The following KHDRBS3 variants were observed in gnomAD, a reference collection of about 807,000 sequenced individuals.
The protein encoded by KHDRBS3 is KH domain-containing, RNA-binding, signal transduction-associated protein 3.
A neutral mutation model predicts 45.6 loss-of-function variants in KHDRBS3; 23 were observed. The observed-to-expected ratio is 0.50, with a 90% CI of 0.36 to 0.72. KHDRBS3 has a LOEUF of 0.72. KHDRBS3 is among the 30% of genes least tolerant of loss of function. The pLI is 0.00. For synonymous variants in KHDRBS3, 162 were observed against 156.5 expected, an observed-to-expected ratio of 1.04 and a Z score of -0.26; for missense variants, 352 against 424.8, an observed-to-expected ratio of 0.83 and a Z score of 1.51.
chr8:135,584,560 T>A (rs897406611), intron 6 of KHDRBS3, among the ~76,000 whole-genome samples: 1 of 152,254 alleles, frequency 6.6e-6, no homozygotes, highest in African/African-American at 2.4e-5. Flanking sequence ...CTCATTTAGC[T>A]TAGCATTTTG....
chr8:135,631,937 T>C (rs1161251659), intron 7 of KHDRBS3, among the ~76,000 whole-genome samples: 2 of 152,250 alleles, frequency 1.3e-5, no homozygotes, highest in East Asian at 3.9e-4. Context: ...TGCATTGCGC[T>C]ATGATGCTAC....
At position 135,469,517 on chromosome 8, in the gene KHDRBS3, GT is replaced by G. The variant is rs1563699605; in HGVS notation, c.88+11567del. On this transcript the variant is annotated intron_variant, in intron 1 of 8. Coordinates refer to ENST00000355849, the MANE Select transcript of KHDRBS3 (RefSeq NM_006558.3). The stretch of plus-strand genomic sequence containing the variant: ...TTAGCCAGGATGGTGTTTTTTTTTT[GT>G]TTTGGTTTTTTTTTTTTTTTTTTTT... Among the ~76,000 whole-genome samples the G allele has an allele frequency of 4.6e-4, 14 of 30,692 alleles. 1 individual carries two copies. The highest frequency in any genetic ancestry group is 1.2e-3 in the African/African-American group (14 of 11,244). 20.1% of individuals were successfully genotyped at this position (30,692 alleles called of 152,430 possible). A position where few individuals can be genotyped will look rare whatever the true frequency, so the allele number is the denominator to read the frequency against.
chr8:135,584,973 G>C (rs903621750), intron 6 of KHDRBS3, among the ~76,000 whole-genome samples: 3 of 151,724 alleles, frequency 2.0e-5, no homozygotes, highest in Non-Finnish European at 2.9e-5. Flanking sequence ...TGTAATCCTA[G>C]CATTTTCAGA....
chr8:135,522,439 A>G (rs1463506784), intron 2 of KHDRBS3, among the ~76,000 whole-genome samples: 2 of 152,242 alleles, frequency 1.3e-5, no homozygotes, highest in African/African-American at 4.8e-5. Context: ...TTAAATACGC[A>G]GTATTGAAAA....
intron 1 of KHDRBS3, among the ~76,000 whole-genome samples, chr8:135,473,014 C>T (rs1822089347): frequency 6.8e-6 from 1 of 147,864 alleles, no homozygotes; most frequent in South Asian, 2.2e-4. Context: ...GTAAATTACA[C>T]CTAAAACTGT....
chr8:135,602,040 G>A (rs1829239436), intron 6 of KHDRBS3, among the ~76,000 whole-genome samples: 1 of 152,142 alleles, frequency 6.6e-6, no homozygotes, highest in Admixed American at 6.5e-5. Flanking sequence ...CTCTTACTCA[G>A]CTCCACTACT....
At chr8:135,521,620 G>A (rs188390735) in intron 2 of KHDRBS3, among the ~76,000 whole-genome samples, 4 of 152,218 alleles carry the variant, frequency 2.6e-5, no homozygotes, top group Admixed American at 2.6e-4. Flanking sequence ...TTCCACTTCA[G>A]TTTCCTCATT....
Position 135,615,631 on chromosome 8 carries a change from A to G in KHDRBS3, c.890+8594A>G, listed in dbSNP as rs140112916. The stretch of plus-strand genomic sequence containing the variant: ...CTTAAAAAATTGTAATGATTAGATT[A>G]TAAAGTTATTGGAAGAGTATGGTTA... On this transcript the variant is annotated intron_variant, in intron 7 of 8. Coordinates refer to ENST00000355849, the MANE Select transcript of KHDRBS3 (RefSeq NM_006558.3). Among the ~76,000 whole-genome samples, 118 of 152,358 alleles carry G rather than the reference A, an allele frequency of 7.7e-4. 1 individual carries two copies. The highest frequency in any genetic ancestry group is 2.8e-3 in the African/African-American group (116 of 41,584).
intron 5 of KHDRBS3, among the ~76,000 whole-genome samples, chr8:135,559,440 C>T (rs1827060693): frequency 6.6e-6 from 1 of 152,182 alleles, no homozygotes; most frequent in African/African-American, 2.4e-5. Context: ...GCAACCTCCA[C>T]CTCCCGGGTT....
In KHDRBS3 at chr8:135,480,824, G is replaced by A. The variant is rs539373702; in HGVS notation, c.88+22870G>A. Among the ~76,000 whole-genome samples, 9 of 152,134 alleles carry A rather than the reference G, an allele frequency of 5.9e-5. No individual in the cohort carries two copies. In the South Asian group the frequency reaches 1.9e-3, roughly 32 times the overall value. On this transcript the variant is annotated intron_variant, in intron 1 of 8. Coordinates refer to ENST00000355849, the MANE Select transcript of KHDRBS3 (RefSeq NM_006558.3). Reference sequence around the variant, plus strand: ...AAAGTTGTGAATACTGTTTTTCATAGCTGTGTAGTACTTCATGTTACATAT... The same window carrying A: ...AAAGTTGTGAATACTGTTTTTCATAACTGTGTAGTACTTCATGTTACATAT...
At chr8:135,476,202 G>T (rs186154871) in intron 1 of KHDRBS3, among the ~76,000 whole-genome samples, 1 of 152,134 alleles carries the variant, frequency 6.6e-6, no homozygotes, top group East Asian at 1.9e-4. Context: ...GTAGTGCAGT[G>T]GTGCAATCTT....
At chr8:135,642,072 C>T (rs949704580) in intron 7 of KHDRBS3, among the ~76,000 whole-genome samples, 3 of 152,174 alleles carry the variant, frequency 2.0e-5, no homozygotes, top group African/African-American at 7.2e-5. Context: ...GATCATGTGG[C>T]AGCATGTTTC....
chr8:135,546,573 A>T (rs927713138), intron 3 of KHDRBS3, among the ~76,000 whole-genome samples: 10 of 152,178 alleles, frequency 6.6e-5, no homozygotes, highest in African/African-American at 2.2e-4. Flanking sequence ...ATAGTGATAT[A>T]ATAATTATCA....
chr8:135,610,669 G>A (rs1829672008), intron 7 of KHDRBS3, among the ~76,000 whole-genome samples: 1 of 151,842 alleles, frequency 6.6e-6, no homozygotes, highest in African/African-American at 2.4e-5. Context: ...ATTCTGGTTG[G>A]GAATACTGTG....
rs112848458 is a variant in KHDRBS3 at position 135,555,787 on chromosome 8, C to T, written c.472-1661C>T. ...TAAGTTCTGGGTTACATGTGCAGAA[C>T]GTGCAGTTTTGTTACATAGGTATAC... On this transcript the variant is annotated intron_variant, in intron 4 of 8. Transcript: ENST00000355849. Among the ~76,000 whole-genome samples the T allele has an allele frequency of 4.2e-3, 635 of 152,142 alleles. 12 individuals are homozygous for T. The highest frequency in any genetic ancestry group is 0.014 in the African/African-American group (578 of 41,514).
intron 1 of KHDRBS3, among the ~76,000 whole-genome samples, chr8:135,482,787 C>T (rs1822650663): frequency 6.6e-6 from 1 of 152,114 alleles, no homozygotes; most frequent in African/African-American, 2.4e-5. Context: ...CTTTGCACCT[C>T]TGAAAAGTTG....
chr8:135,517,732 G>A (rs369622676), intron 1 of KHDRBS3, among the ~76,000 whole-genome samples: 10 of 152,188 alleles, frequency 6.6e-5, no homozygotes, highest in African/African-American at 2.2e-4. Flanking sequence ...CCCGCGATGG[G>A]GCTCAGGGCT....
At chr8:135,542,177 TAAGAACTCATCTA>T (rs1479229807) in intron 2 of KHDRBS3, 2 of 152,418 alleles carry the variant, frequency 1.3e-5, no homozygotes, top group Non-Finnish European at 2.9e-5. Flanking sequence ...ACCGAATGCT[TAAGAACTCATCTA>T]AGCCAGTCCT....
chr8:135,527,203 T>C (rs1196646380), intron 2 of KHDRBS3, among the ~76,000 whole-genome samples: 3 of 152,154 alleles, frequency 2.0e-5, no homozygotes, highest in Admixed American at 1.3e-4. Context: ...GTCATGGTCT[T>C]TGGGCTAAAA....
Sources: allele counts gnomAD v4.1 joint callset (sites outside exome capture counted in the v4.1 genomes callset), GRCh38; gene constraint gnomAD v4.1.1; transcripts MANE v1.5; gene names NCBI Gene and HGNC (gene_info 2026-07-23, HGNC 2026-07-21).